UNC79: variants seen among roughly 807,000 people sequenced by gnomAD.
The protein encoded by UNC79 is protein unc-79 homolog.
In UNC79, 37 loss-of-function variants were observed where a neutral mutation model predicts 283.1. The ratio of observed to expected loss-of-function variants is 0.13; its 90% CI spans 0.10 to 0.17. The LOEUF (loss-of-function observed/expected upper bound fraction) is 0.17, where lower values mean the gene tolerates loss of function less well. UNC79 is among the 10% of genes least tolerant of loss of function. The pLI, the probability that UNC79 is intolerant of heterozygous loss-of-function variation, is 1.00. For missense variants in UNC79, 2,272 were observed against 3,211.1 expected, an observed-to-expected ratio of 0.71 and a Z score of 7.07; for synonymous variants, 1,107 against 1,200.2, an observed-to-expected ratio of 0.92 and a Z score of 1.61.
At chr14:93,657,149 T>C (rs2071034455) in intron 38 of UNC79, among the ~76,000 whole-genome samples, 1 of 152,132 alleles carries the variant, frequency 6.6e-6, no homozygotes, top group Non-Finnish European at 1.5e-5. Context: ...TGCCCACAGA[T>C]GTGGAGTAGC....
intron 11 of UNC79, among the ~76,000 whole-genome samples, chr14:93,534,237 G>A (rs1196567230): frequency 1.3e-5 from 2 of 152,190 alleles, no homozygotes; most frequent in Non-Finnish European, 1.5e-5. Context: ...TCCCTAATCT[G>A]TTCTTGTCCT....
At position 93,682,572 on chromosome 14, in the gene UNC79, G is replaced by A. The variant is rs773982407; in HGVS notation, c.6742-45G>A. ...ATAAAATGATAAATTACTTATTAAT[G>A]TCCAGATACCCTTAAAAATAATTAT... On this transcript the variant is annotated intron_variant, in intron 41 of 48. Transcript: ENST00000555664. 2.5e-5 allele frequency: 38 copies of A among 1,506,468 alleles called. 2 individuals carry two copies. In the South Asian group the frequency reaches 4.2e-4, roughly 17 times the overall value. The allele number at this position is 1,506,468 out of a possible 1,614,324, so 93.3% of individuals were successfully genotyped here.
At chr14:93,347,359 T>C in intron 1 of UNC79, 1 of 1,534,972 alleles carries the variant, frequency 6.5e-7, no homozygotes. Context: ...CTTCGCCCAC[T>C]CGGGGCCCCC....
At chr14:93,653,331 A>G (rs2070521766) in intron 35 of UNC79, among the ~76,000 whole-genome samples, 1 of 150,814 alleles carries the variant, frequency 6.6e-6, no homozygotes, top group Non-Finnish European at 1.5e-5. Flanking sequence ...GCATATATAT[A>G]TATATATATG....
chr14:93,593,433 T>C (rs1367790151), intron 22 of UNC79, among the ~76,000 whole-genome samples: 2 of 152,218 alleles, frequency 1.3e-5, no homozygotes, highest in Non-Finnish European at 2.9e-5. Flanking sequence ...TGAATTTACA[T>C]TATGCAGATT....
chr14:93,510,651 T>A (rs546661748), intron 7 of UNC79, among the ~76,000 whole-genome samples: 102 of 152,312 alleles, frequency 6.7e-4, no homozygotes, highest in African/African-American at 2.4e-3. Context: ...AGAGTGACCT[T>A]TACTCCAGTT....
chr14:93,431,878 G>C (rs2055896139), intron 1 of UNC79, among the ~76,000 whole-genome samples: 1 of 152,200 alleles, frequency 6.6e-6, no homozygotes, highest in Non-Finnish European at 1.5e-5. Context: ...CCTTCGGTGT[G>C]TGCTTGGTAG....
At position 93,672,045 on chromosome 14, in the gene UNC79, C is replaced by T. The variant is rs190938480; in HGVS notation, c.6637-1306C>T. 3.0e-4 allele frequency among the ~76,000 whole-genome samples: 46 copies of T among 152,082 alleles called. No individual in the cohort carries two copies. In the East Asian group the frequency reaches 5.0e-3, roughly 17 times the overall value. On this transcript the variant is annotated intron_variant, in intron 40 of 48. Transcript: ENST00000555664. ...AAGGACAAAAAATAACAGATCCTGG[C>T]GAGGATATGGAGAAAAGGGAACTCT...
At chr14:93,682,035 T>G (rs2073887103) in intron 41 of UNC79, among the ~76,000 whole-genome samples, 1 of 152,202 alleles carries the variant, frequency 6.6e-6, no homozygotes, top group Non-Finnish European at 1.5e-5. Flanking sequence ...CATAAGTCAC[T>G]GCAGTCTGAC....
chr14:93,338,625 G>A (rs183250683), intron 1 of UNC79, among the ~76,000 whole-genome samples: 70 of 152,290 alleles, frequency 4.6e-4, no homozygotes, highest in African/African-American at 8.9e-4. Context: ...AGACTTGAAC[G>A]GCTGAGTGCA....
intron 1 of UNC79, among the ~76,000 whole-genome samples, chr14:93,386,375 G>A (rs1256826020): frequency 6.6e-6 from 1 of 152,112 alleles, no homozygotes; most frequent in Non-Finnish European, 1.5e-5. Context: ...TGGTTTGCTA[G>A]CATTTTGTTG....
chr14:93,704,750 A>C (rs967469531), intron 48 of UNC79, 84 bp downstream of exon 51: 2 of 1,495,830 alleles, frequency 1.3e-6, no homozygotes, highest in African/African-American at 2.8e-5. Context: ...TGCTCCATTT[A>C]CTATGGAGAA....
chr14:93,347,000 A>T (rs2053851112), intron 1 of UNC79, among the ~76,000 whole-genome samples: 2 of 150,980 alleles, frequency 1.3e-5, no homozygotes, highest in South Asian at 4.2e-4. Flanking sequence ...GGGGTGGTGC[A>T]GAGCAAGTGG....
chr14:93,702,713 G>T (rs938055839), intron 47 of UNC79, among the ~76,000 whole-genome samples: 1 of 152,200 alleles, frequency 6.6e-6, no homozygotes, highest in Non-Finnish European at 1.5e-5. Context: ...GTGTCCCCCA[G>T]TTTGCCCAGG....
chr14:93,523,867 C>G, intron 7 of UNC79, 111 bp from the exon 8 acceptor site: 1 of 1,120,260 alleles, frequency 8.9e-7, no homozygotes, highest in Middle Eastern at 2.2e-4. Flanking sequence ...TGTTAGAAAG[C>G]TTTCTGATGA....
chr14:93,665,059 T>C (rs1327468064), intron 40 of UNC79, among the ~76,000 whole-genome samples: 2 of 151,558 alleles, frequency 1.3e-5, no homozygotes, highest in Non-Finnish European at 2.9e-5. Flanking sequence ...ATACATATCA[T>C]TAAAAATGAC....
At position 93,691,298 on chromosome 14, in the gene UNC79, C is replaced by T. The variant is rs147168452; in HGVS notation, c.7273-451C>T. 204 of 184,810 alleles carry T rather than the reference C, an allele frequency of 1.1e-3. 2 individuals carry two copies. The East Asian group carries it at 0.023, about 21-fold the overall frequency. 11.4% of individuals were successfully genotyped at this position (184,810 alleles called of 1,614,324 possible). A position where few individuals can be genotyped will look rare whatever the true frequency, so the allele number is the denominator to read the frequency against. On this transcript the variant is annotated intron_variant, in intron 45 of 48. Transcript: ENST00000555664. ...TGCTTTCCGCTAGGAGGAGGATCTC[C>T]GCTGCTGCTGCTATGATTATGAACT...
Position 93,575,207 on chromosome 14 carries a change from T to C in UNC79, c.2211+9T>C. 6.2e-7 allele frequency: 1 copy of C among 1,613,552 alleles called. No individual in the cohort carries two copies. Among genetic ancestry groups the C allele is most frequent in the Non-Finnish European group, 8.5e-7 (1 of 1,179,878 alleles). ...ACCTTGCATCTCGAAGGGTAATTAT[T>C]GCCACATTTGTTCTTGTCTTGCTTT... On this transcript the variant is annotated intron_variant, in intron 17 of 48. Transcript: ENST00000555664.
rs544346730 is a variant in UNC79, at chr14:93,412,523, A to T, written c.-350-55148A>T. ...ACCAAAGGTCAAGGATAAAGAAAAG[A>T]TCCTAAAAGCAGCAAGAGAAAATAA... On this transcript the variant is annotated intron_variant, in intron 1 of 49. Coordinates refer to the UNC79 transcript ENST00000256339. 5.9e-5 allele frequency among the ~76,000 whole-genome samples: 9 copies of T among 152,206 alleles called. No homozygotes were observed. In the South Asian group the frequency reaches 1.7e-3, roughly 28 times the overall value.
Sources: gnomAD v4.1 joint callset for allele counts (sites outside exome capture counted in the v4.1 genomes callset) on GRCh38, gnomAD v4.1.1 for gene constraint, MANE v1.5 for transcripts, NCBI Gene and HGNC (gene_info 2026-07-23, HGNC 2026-07-21) for gene names.